NCOA6: variants seen among roughly 807,000 people sequenced by gnomAD.
The protein encoded by NCOA6 is NRC RAP250.
In NCOA6, 49 loss-of-function variants were observed where a neutral mutation model predicts 171.4. That is an observed-to-expected ratio of 0.29 (90% confidence interval 0.23 to 0.36). The LOEUF (loss-of-function observed/expected upper bound fraction) is 0.36, where lower values mean the gene tolerates loss of function less well. Among genes scored for constraint, NCOA6 ranks in the 10% least tolerant of loss-of-function variants. The probability of loss-of-function intolerance (pLI) is 1.00; values close to 1 mark genes in which losing one functional copy is unlikely to be tolerated. For synonymous variants in NCOA6, 910 were observed against 927.5 expected (o/e 0.98, Z 0.34); for missense variants, 2,248 against 2,554.5 (o/e 0.88, Z 2.59).
chr20:34,718,591 C>T (rs1452132059), intron 14 of NCOA6, among the ~76,000 whole-genome samples: 3 of 151,830 alleles, frequency 2.0e-5, no homozygotes, highest in Non-Finnish European at 2.9e-5. Context: ...CTGCAACCTC[C>T]ACCCCCTGGG....
At chr20:34,810,885 G>C (rs2078635522) in intron 1 of NCOA6, among the ~76,000 whole-genome samples, 2 of 152,042 alleles carry the variant, frequency 1.3e-5, no homozygotes, top group Middle Eastern at 3.4e-3. Flanking sequence ...TTTTTCAAAT[G>C]CTTTCAATGT....
rs754983158 is a variant in NCOA6 at position 34,743,189 on chromosome 20, A to T, written c.3067T>A (p.Ser1023Thr). 6.2e-7 allele frequency: 1 copy of T among 1,613,708 alleles called. No homozygotes were observed. Among genetic ancestry groups the T allele is most frequent in the Non-Finnish European group, 8.5e-7 (1 of 1,179,880 alleles). ...QQPPPPSQPQ[S>T]QQQQQQQQQM... ...TGCTGCTGCTGCTGCTGCTGCTGAG[A>T]CTGTGGCTGACTGGGAGGTGGTGGC... Residue 1023 changes from serine to threonine, a missense_variant, in exon 11 of 15, where the codon TCT becomes ACT. Physicochemically the swap from Ser to Thr is moderately conservative, Grantham distance 58. Transcript: ENST00000359003.
chr20:34,785,801 C>T (rs1310586600), intron 2 of NCOA6, among the ~76,000 whole-genome samples: 5 of 150,532 alleles, frequency 3.3e-5, no homozygotes, highest in African/African-American at 1.2e-4. Context: ...GACTATGTAT[C>T]TAGATCTGGA....
Position 34,743,069 on chromosome 20 carries a change from G to A in NCOA6, c.3187C>T (p.Pro1063Ser), listed in dbSNP as rs1404753457. The A allele has an allele frequency of 6.2e-7, 1 of 1,613,632 alleles. No individual in the cohort carries two copies. Among genetic ancestry groups the A allele is most frequent in the East Asian group, 2.2e-5 (1 of 44,874 alleles). ...NVHPPRGPLN[P>S]DSQRMPMQQS... ...TGCATGGGCATTCTCTGGGAGTCGGGGTTCAGGGGGCCCCTTGGAGGATGG... is the reference window on the plus strand; with the variant it reads ...TGCATGGGCATTCTCTGGGAGTCGGAGTTCAGGGGGCCCCTTGGAGGATGG... The change falls in exon 11 of 15, where the codon CCC becomes TCC. Residue 1063 changes from proline to serine, a missense_variant. Physicochemically the swap from Pro to Ser is moderately conservative, Grantham distance 74 (BLOSUM62 -1). Transcript: ENST00000359003.
chr20:34,818,017 G>A lies in NCOA6; in HGVS notation c.-164+7455C>T, dbSNP rs541180941. On this transcript the variant is annotated intron_variant, in intron 1 of 14. Transcript: ENST00000359003. The stretch of plus-strand genomic sequence containing the variant: ...TGCAGAGATTAGGAAGGCAGGCTTT[G>A]AAATTAGACTACCTGGACTCAAATA... 3.9e-5 allele frequency among the ~76,000 whole-genome samples: 6 copies of A among 152,314 alleles called. No individual in the cohort carries two copies. In the South Asian group the frequency reaches 1.2e-3, roughly 32 times the overall value.
At chr20:34,759,309 G>A (rs2076746909) in intron 5 of NCOA6, among the ~76,000 whole-genome samples, 1 of 152,066 alleles carries the variant, frequency 6.6e-6, no homozygotes, top group African/African-American at 2.4e-5. Flanking sequence ...CAAAGTGCTG[G>A]GACTACAGGC....
At chr20:34,725,223 A>G (rs1018444739) in intron 14 of NCOA6, among the ~76,000 whole-genome samples, 3 of 152,242 alleles carry the variant, frequency 2.0e-5, no homozygotes, top group Non-Finnish European at 4.4e-5. Context: ...ACTAGGCACC[A>G]GAGATACAGT....
intron 1 of NCOA6, among the ~76,000 whole-genome samples, chr20:34,807,351 G>A (rs1453551540): frequency 6.6e-6 from 1 of 152,160 alleles, no homozygotes; most frequent in Non-Finnish European, 1.5e-5. Context: ...CCTCCTGTGA[G>A]AGACCCTGAA....
chr20:34,754,872 A>T lies in NCOA6; in HGVS notation c.1529-4T>A. ...GGTGGGAGGCGTTTAGGCATTCCTTAATAGAAAACAATGAGTAAGGCAGTT... is the reference window on the plus strand; with the variant it reads ...GGTGGGAGGCGTTTAGGCATTCCTTTATAGAAAACAATGAGTAAGGCAGTT... On this transcript the variant is annotated splice_region_variant and splice_polypyrimidine_tract_variant and intron_variant, in intron 7 of 14. Transcript: ENST00000359003. The T allele has an allele frequency of 1.2e-6, 2 of 1,613,880 alleles. No homozygotes were observed. Among genetic ancestry groups the T allele is most frequent in the Non-Finnish European group, 1.7e-6 (2 of 1,179,886 alleles).
intron 14 of NCOA6, among the ~76,000 whole-genome samples, chr20:34,725,240 C>T (rs1219757451): frequency 6.6e-6 from 1 of 152,160 alleles, no homozygotes; most frequent in South Asian, 2.1e-4. Flanking sequence ...CAGTAGTTCG[C>T]AAAATCAGAC....
intron 1 of NCOA6, among the ~76,000 whole-genome samples, chr20:34,797,610 G>A (rs771732876): frequency 6.6e-6 from 1 of 151,924 alleles, no homozygotes; most frequent in Non-Finnish European, 1.5e-5. Flanking sequence ...TAAAGGGGCC[G>A]GGTATGGTGG....
chr20:34,756,738 T>C (rs1235069810), intron 7 of NCOA6, among the ~76,000 whole-genome samples: 1 of 152,236 alleles, frequency 6.6e-6, no homozygotes, highest in South Asian at 2.1e-4. Flanking sequence ...TTATTCCCCT[T>C]TAATACTTTA....
At chr20:34,774,512 A>T (rs1286513987) in intron 4 of NCOA6, among the ~76,000 whole-genome samples, 1 of 152,256 alleles carries the variant, frequency 6.6e-6, no homozygotes, top group East Asian at 1.9e-4. Flanking sequence ...CTTTGAGGGC[A>T]CAGCAACCTA....
intron 5 of NCOA6, among the ~76,000 whole-genome samples, chr20:34,767,898 G>C (rs1450992097): frequency 6.6e-6 from 1 of 152,114 alleles, no homozygotes. Context: ...TGCTTTAAAT[G>C]ACAGCCAACT....
chr20:34,716,594 G>T (rs1398733094), intron 14 of NCOA6, among the ~76,000 whole-genome samples: 3 of 151,970 alleles, frequency 2.0e-5, no homozygotes, highest in African/African-American at 7.3e-5. Flanking sequence ...TCTACAAAAA[G>T]AAAAGAATTA....
chr20:34,740,933 C>G lies in NCOA6; in HGVS notation c.5323G>C (p.Val1775Leu). The change falls in exon 11 of 15, where the codon GTG (valine) becomes CTG (leucine). Residue 1775 changes from valine (V) to leucine (L), a missense_variant. Physicochemically the swap from Val to Leu is conservative, Grantham distance 32 (BLOSUM62 1). Around this residue, in one of 7 missense-constraint regions of NCOA6, gnomAD observed 884 missense variants for 941.9 expected, o/e 0.94. Transcript: ENST00000359003. ...ELNPDEASPQ[V>L]NTSADQNTLP... ...GTGTTCTGATCTGCTGAGGTGTTCA[C>G]CTGAGGGCTAGCCTCATCTGGATTC... The G allele has an allele frequency of 6.2e-7, 1 of 1,614,136 alleles. No homozygotes were observed. Among genetic ancestry groups the G allele is most frequent in the South Asian group, 1.1e-5 (1 of 91,072 alleles).
intron 1 of NCOA6, among the ~76,000 whole-genome samples, chr20:34,800,511 A>G (rs2146454047): frequency 6.6e-6 from 1 of 152,262 alleles, no homozygotes; most frequent in African/African-American, 2.4e-5. Flanking sequence ...ACAAAGACGC[A>G]TACAGACTGA....
intron 14 of NCOA6, among the ~76,000 whole-genome samples, chr20:34,715,950 C>T (rs1373712128): frequency 6.6e-6 from 1 of 152,198 alleles, no homozygotes; most frequent in Non-Finnish European, 1.5e-5. Flanking sequence ...GGCGTGGTGG[C>T]TCACGCCTGT....
chr20:34,822,991 C>A (rs1022706798), intron 1 of NCOA6, among the ~76,000 whole-genome samples: 1 of 152,114 alleles, frequency 6.6e-6, no homozygotes, highest in South Asian at 2.1e-4. Flanking sequence ...CTTGAAGTAG[C>A]CTTTATGCGC....
Sources: allele counts gnomAD v4.1 joint callset (sites outside exome capture counted in the v4.1 genomes callset), GRCh38; gene constraint gnomAD v4.1.1; regional missense constraint gnomAD v4.1.1; transcripts MANE v1.5; gene names NCBI Gene and HGNC (gene_info 2026-07-23, HGNC 2026-07-21).